The following NSD1 variants were observed in gnomAD, a reference collection of about 807,000 sequenced individuals.
NSD1 encodes nuclear receptor binding SET domain protein 1.
Under a neutral mutation model 242.7 loss-of-function variants are expected in NSD1, and 26 were observed. That is an observed-to-expected ratio of 0.11 (90% confidence interval 0.08 to 0.15). The LOEUF (loss-of-function observed/expected upper bound fraction) is 0.15, where lower values mean the gene tolerates loss of function less well. Among genes scored for constraint, NSD1 ranks in the 10% least tolerant of loss-of-function variants. The pLI, the probability that NSD1 is intolerant of heterozygous loss-of-function variation, is 1.00. For missense variants in NSD1, 2,495 were observed against 3,272.8 expected (o/e 0.76, Z 5.80); for synonymous variants, 1,106 against 1,178.1 (o/e 0.94, Z 1.25).
At chr5:177,158,535 A>T (rs1758393965) in intron 2 of NSD1, among the ~76,000 whole-genome samples, 2 of 151,812 alleles carry the variant, frequency 1.3e-5, no homozygotes, top group Middle Eastern at 6.8e-3. Flanking sequence ...ACAGGGTTTC[A>T]CCACATTGGC....
chr5:177,270,647 CA>C (rs1757873979), intron 16 of NSD1, among the ~76,000 whole-genome samples: 1 of 152,070 alleles, frequency 6.6e-6, no homozygotes, highest in African/African-American at 2.4e-5. Context: ...CCAGGTAAAC[CA>C]ATTGTTAACA....
intron 2 of NSD1, among the ~76,000 whole-genome samples, chr5:177,155,543 C>T (rs1429224327): frequency 6.9e-6 from 1 of 144,806 alleles, no homozygotes; most frequent in Non-Finnish European, 1.5e-5. Flanking sequence ...GGATTATAGG[C>T]ATAAGCCACC....
intron 4 of NSD1, among the ~76,000 whole-genome samples, chr5:177,208,380 T>A (rs1763062274): frequency 6.6e-6 from 1 of 152,204 alleles, no homozygotes; most frequent in Non-Finnish European, 1.5e-5. Flanking sequence ...GCCAGGTGGC[T>A]AGTGATAACT....
intron 9 of NSD1, among the ~76,000 whole-genome samples, chr5:177,245,629 TTTC>T (rs2149896361): frequency 6.6e-6 from 1 of 150,540 alleles, no homozygotes; most frequent in African/African-American, 2.4e-5. Context: ...GAAGAATTTC[TTTC>T]TTTTTTTTTT....
At chr5:177,222,207 CA>C (rs2149866182) in intron 5 of NSD1, among the ~76,000 whole-genome samples, 1 of 152,266 alleles carries the variant, frequency 6.6e-6, no homozygotes, top group Non-Finnish European at 1.5e-5. Flanking sequence ...TGGCTCATTT[CA>C]AGTTTCACCT....
At chr5:177,235,485 C>A (rs1324963041) in intron 5 of NSD1, among the ~76,000 whole-genome samples, 2 of 152,100 alleles carry the variant, frequency 1.3e-5, no homozygotes, top group Non-Finnish European at 2.9e-5. Context: ...GATCTAGATG[C>A]TACATTTTTG....
At chr5:177,265,786 G>A (rs756585252) in intron 14 of NSD1, 42 of 1,415,512 alleles carry the variant, frequency 3.0e-5, no homozygotes, top group East Asian at 9.1e-5. Context: ...TGGAGAAGCC[G>A]GTCCCTCCGG....
At position 177,134,659 on chromosome 5, in the gene NSD1, A is replaced by C. The variant is rs1368724956; in HGVS notation, c.-17-428A>C. On this transcript the variant is annotated intron_variant, in intron 1 of 22. Transcript: ENST00000439151. This position sits in a 1 kb window ranked among gnomAD's most constrained non-coding sequence, Gnocchi z 4.2. ...GACCGCTGCGCCCTAGCGAGCCAGGAAGGGGGGGGTACCTTTTTGTGCAGG... is the reference window on the plus strand; with the variant it reads ...GACCGCTGCGCCCTAGCGAGCCAGGCAGGGGGGGGTACCTTTTTGTGCAGG... 1.3e-5 allele frequency among the ~76,000 whole-genome samples: 2 copies of C among 152,102 alleles called. No individual in the cohort carries two copies. Among genetic ancestry groups the C allele is most frequent in the Non-Finnish European group, 2.9e-5 (2 of 68,010 alleles).
At position 177,260,080 on chromosome 5, in the gene NSD1, T is replaced by C; in HGVS notation, c.5058T>C (p.Ser1686=). Residue 1686 remains serine (S), a synonymous_variant, in exon 14 of 23, where the codon AGT becomes AGC. Transcript: ENST00000439151. The part of the protein sequence containing the change: ...AAGSKILASN[S]IICPNHFTPR... ...GGTCAAAGATCCTTGCATCTAATAGTATCATCTGCCCTAATCACTTTACCC... is the reference window on the plus strand; with the variant it reads ...GGTCAAAGATCCTTGCATCTAATAGCATCATCTGCCCTAATCACTTTACCC... 1 of 1,614,184 alleles carries C rather than the reference T, an allele frequency of 6.2e-7. No homozygotes were observed. Among genetic ancestry groups the C allele is most frequent in the Non-Finnish European group, 8.5e-7 (1 of 1,180,034 alleles).
At chr5:177,178,910 GT>G (rs1164251929) in intron 2 of NSD1, among the ~76,000 whole-genome samples, 5 of 152,136 alleles carry the variant, frequency 3.3e-5, no homozygotes, top group African/African-American at 9.7e-5. Flanking sequence ...AATGTGTCAA[GT>G]GCAGTAAAAA....
rs1164887587 is a variant in NSD1 at position 177,166,667 on chromosome 5, C to G, written c.928-25217C>G. On this transcript the variant is annotated intron_variant, in intron 2 of 22. Coordinates refer to ENST00000439151, the MANE Select transcript of NSD1 (RefSeq NM_022455.5). The stretch of plus-strand genomic sequence containing the variant: ...TTTGCCAGATCTGAAATTATGAACC[C>G]TTATCCCTAAATTTTCTTATAAAAG... 2.6e-5 allele frequency among the ~76,000 whole-genome samples: 4 copies of G among 151,212 alleles called. No individual in the cohort carries two copies. The East Asian group carries it at 7.7e-4, about 29-fold the overall frequency.
intron 2 of NSD1, among the ~76,000 whole-genome samples, chr5:177,159,054 A>ATATATATATATATAT (rs1562132770): frequency 2.3e-5 from 3 of 130,858 alleles, no homozygotes; most frequent in Admixed American, 1.5e-4. Flanking sequence ...TATATGAATG[A>ATATATATATATATAT]ATGAATGAGA....
rs574160791 is a variant in NSD1, at chr5:177,252,632, G to A, written c.4765+779G>A. 9.5e-4 allele frequency among the ~76,000 whole-genome samples: 121 copies of A among 127,942 alleles called. 5 individuals are homozygous for A. The South Asian group carries it at 0.03, about 32-fold the overall frequency. 83.9% of individuals were successfully genotyped at this position (127,942 alleles called of 152,430 possible). A position where few individuals can be genotyped will look rare whatever the true frequency, so the allele number is the denominator to read the frequency against. On this transcript the variant is annotated intron_variant, in intron 12 of 22. Coordinates refer to ENST00000439151, the MANE Select transcript of NSD1 (RefSeq NM_022455.5). Reference sequence around the variant, plus strand: ...AGTGGCGTGATCATAGCTCATTGTAGTCTTGAGCTCCTGGGCTCAAGCAAT... The same window carrying A: ...AGTGGCGTGATCATAGCTCATTGTAATCTTGAGCTCCTGGGCTCAAGCAAT...
chr5:177,267,732 A>G lies in NSD1; in HGVS notation c.5303+14A>G. 6.2e-7 allele frequency: 1 copy of G among 1,612,844 alleles called. No individual in the cohort carries two copies. Among genetic ancestry groups the G allele is most frequent in the African/African-American group, 1.3e-5 (1 of 74,998 alleles). On this transcript the variant is annotated intron_variant, in intron 15 of 22. Transcript: ENST00000439151. ...TGGACGATACAGGTAAGCCTGAAGA[A>G]TAGCACTCATCTCTTTTACCATCCT...
intron 14 of NSD1, chr5:177,265,416 T>C (rs1304123858): frequency 2.2e-5 from 13 of 603,648 alleles, no homozygotes; most frequent in African/African-American, 7.4e-5. Context: ...ACATAAGTTA[T>C]GAAAAACAGT....
intron 4 of NSD1, among the ~76,000 whole-genome samples, 193 bp from the exon 5 acceptor site, chr5:177,209,443 C>T (rs1180691883): frequency 6.7e-6 from 1 of 150,282 alleles, no homozygotes; most frequent in Admixed American, 6.7e-5. Flanking sequence ...GAAGGAGAAT[C>T]ACTTGAACCC....
intron 2 of NSD1, among the ~76,000 whole-genome samples, chr5:177,181,735 T>C (rs1379189663): frequency 1.3e-5 from 2 of 151,482 alleles, no homozygotes; most frequent in East Asian, 2.0e-4. Flanking sequence ...TGCATTGTGG[T>C]CTTACTTTAA....
At chr5:177,242,631 G>A (rs762453720) in intron 8 of NSD1, among the ~76,000 whole-genome samples, 11 of 151,848 alleles carry the variant, frequency 7.2e-5, no homozygotes, top group Non-Finnish European at 1.3e-4. Context: ...AGGTTCATGC[G>A]ATTCTCCTAC....
intron 2 of NSD1, among the ~76,000 whole-genome samples, chr5:177,153,837 G>A (rs889495445): frequency 3.9e-5 from 6 of 152,032 alleles, no homozygotes; most frequent in African/African-American, 1.2e-4. Context: ...GTGTTTTTAC[G>A]ACAATTTTTT....
Sources: gnomAD v4.1 joint callset for allele counts (sites outside exome capture counted in the v4.1 genomes callset) on GRCh38, gnomAD v4.1.1 for gene constraint, Gnocchi (gnomAD v3.1) non-coding constraint, MANE v1.5 for transcripts, NCBI Gene and HGNC (gene_info 2026-07-23, HGNC 2026-07-21) for gene names.